IRAK1BP1: variants seen among roughly 807,000 people sequenced by gnomAD.
IRAK1BP1 encodes the protein interleukin 1 receptor associated kinase 1 binding protein 1.
IRAK1BP1 carries 24 observed loss-of-function variants against 28.0 expected under a neutral mutation model. The ratio of observed to expected loss-of-function variants is 0.86; its 90% CI spans 0.62 to 1.20. The LOEUF (loss-of-function observed/expected upper bound fraction) is 1.20, where lower values mean the gene tolerates loss of function less well. Among genes scored for constraint, IRAK1BP1 ranks in the 50% most tolerant of loss-of-function variants. The pLI is 0.00. For missense variants in IRAK1BP1, 336 were observed against 316.7 expected, an observed-to-expected ratio of 1.06 and a Z score of -0.46; for synonymous variants, 131 against 116.3, an observed-to-expected ratio of 1.13 and a Z score of -0.81.
the IRAK1BP1 span, among the ~76,000 whole-genome samples, chr6:78,978,328 A>T: frequency 8.4e-4 from 128 of 152,218 alleles, 1 homozygote; most frequent in African/African-American, 2.9e-3. Context: ...AAAGCTGGCA[A>T]TAAAAACCTC....
At chr6:78,971,038 G>A in the IRAK1BP1 span, 1 of 593,152 alleles carries the variant, frequency 1.7e-6, no homozygotes, top group South Asian at 2.2e-5. Flanking sequence ...CTCTCAAGTT[G>A]TCTTAACATC....
chr6:78,876,058 C>T (rs144655430), intron 1 of IRAK1BP1, among the ~76,000 whole-genome samples: 5 of 151,940 alleles, frequency 3.3e-5, no homozygotes, highest in Non-Finnish European at 7.4e-5. Flanking sequence ...GCTCTGTGTC[C>T]CCACCCAAAT....
chr6:78,898,154 A>G lies in IRAK1BP1; in HGVS notation c.603A>G (p.Leu201=), dbSNP rs1246017929. Residue 201 remains leucine (L), a synonymous_variant, in exon 4 of 4, where the codon TTA becomes TTG. Transcript: ENST00000369940. The part of the protein sequence containing the change: ...NLVGQTLGKP[L]LIKEEETKEW... The stretch of plus-strand genomic sequence containing the variant: ...TTGGCCAAACCTTAGGAAAACCTTT[A>G]CTAATCAAAGAAGAAGAAACAAAAG... The G allele has an allele frequency of 6.2e-7, 1 of 1,613,888 alleles. No homozygotes were observed. The highest frequency in any genetic ancestry group is 2.2e-5 in the East Asian group (1 of 44,850).
chr6:78,900,095 A>C lies in IRAK1BP1; in HGVS notation c.*1761A>C, dbSNP rs886081512. ...ATTAGTTAAAATTAAATAAAATTTA[A>C]AATTTAGTTCCTCAGTCACACTAGC... On this transcript the variant is annotated 3_prime_UTR_variant, in exon 4 of 4. Transcript: ENST00000369940. 2.0e-5 allele frequency: 3 copies of C among 152,214 alleles called. No individual in the cohort carries two copies. The highest frequency in any genetic ancestry group is 2.9e-5 in the Non-Finnish European group (2 of 68,032). 9.4% of individuals were successfully genotyped at this position (152,214 alleles called of 1,614,324 possible).
Position 78,898,153 on chromosome 6 carries a change from T to G in IRAK1BP1, c.602T>G (p.Leu201Ter), listed in dbSNP as rs1207911608. 1.2e-6 allele frequency: 2 copies of G among 1,613,836 alleles called. No individual in the cohort carries two copies. The highest frequency in any genetic ancestry group is 2.2e-5 in the South Asian group (2 of 91,064). Reference protein sequence around the residue: ...NLVGQTLGKPLLIKEEETKEW... With the variant: ...NLVGQTLGKP ...GTTGGCCAAACCTTAGGAAAACCTT[T>G]ACTAATCAAAGAAGAAGAAACAAAA... is the stretch of plus-strand genomic sequence containing the variant. The change falls in exon 4 of 4, where the codon TTA becomes TGA. Residue 201 changes from leucine to a stop codon, truncating the protein, a stop_gained. Transcript: ENST00000369940. LOFTEE classifies it high-confidence loss of function.
chr6:78,958,601 C>CT, the IRAK1BP1 span: 22 of 1,541,700 alleles, frequency 1.4e-5, no homozygotes, highest in Non-Finnish European at 2.0e-5. Flanking sequence ...AGAAACCCGC[C>CT]TTAAAAAAAC....
At chr6:78,905,852 C>T (rs145475059), downstream of IRAK1BP1, among the ~76,000 whole-genome samples, 1,004 of 152,148 alleles carry the variant, frequency 6.6e-3, 10 homozygotes, top group African/African-American at 0.022. Context: ...CCACCTGCCT[C>T]GGCCTCCCAA....
At chr6:78,917,505 A>C (rs975708805) in intron 4 of IRAK1BP1, among the ~76,000 whole-genome samples, 4 of 152,080 alleles carry the variant, frequency 2.6e-5, no homozygotes, top group African/African-American at 9.7e-5. Context: ...GGAATAATTC[A>C]AGAAAATTTT....
chr6:78,894,806 C>T (rs1028370549), intron 2 of IRAK1BP1, among the ~76,000 whole-genome samples: 1 of 152,042 alleles, frequency 6.6e-6, no homozygotes, highest in East Asian at 1.9e-4. Context: ...AGACCATATT[C>T]TGTGTCATAT....
chr6:78,967,429 T>C, the IRAK1BP1 span, among the ~76,000 whole-genome samples: 1 of 152,198 alleles, frequency 6.6e-6, no homozygotes, highest in Non-Finnish European at 1.5e-5. Flanking sequence ...GAGTAATGTG[T>C]GCCTAATCAT....
At chr6:78,925,367 A>G (rs551413087) in intron 4 of IRAK1BP1, among the ~76,000 whole-genome samples, 81 of 152,282 alleles carry the variant, frequency 5.3e-4, no homozygotes, top group African/African-American at 1.9e-3. Context: ...CATTCAAGAA[A>G]TGACAAAAGA....
intron 4 of IRAK1BP1, among the ~76,000 whole-genome samples, chr6:78,917,525 G>C (rs1772591984): frequency 6.7e-6 from 1 of 149,066 alleles, no homozygotes; most frequent in Non-Finnish European, 1.5e-5. Flanking sequence ...TTCTAATCTT[G>C]ATAGAGGTAG....
At chr6:78,903,144 A>C, downstream of IRAK1BP1, 1 of 1,140,800 alleles carries the variant, frequency 8.8e-7, no homozygotes, top group Non-Finnish European at 1.2e-6. Context: ...GAGAAAAAGA[A>C]GACTAAGAAA....
At chr6:78,978,480 A>T in the IRAK1BP1 span, 1 of 711,346 alleles carries the variant, frequency 1.4e-6, no homozygotes, top group Non-Finnish European at 2.2e-6. Context: ...AATATCTAGA[A>T]TGAGATACTT....
chr6:78,943,979 CTGTCT>C, intron 4 of IRAK1BP1, among the ~76,000 whole-genome samples: 1 of 85,008 alleles, frequency 1.2e-5, no homozygotes, highest in Non-Finnish European at 2.1e-5. Flanking sequence ...GAGCAAGATC[CTGTCT>C]TTTTTTAAAA....
chr6:78,911,118 C>G (rs1227768946), intron 4 of IRAK1BP1, among the ~76,000 whole-genome samples: 1 of 152,122 alleles, frequency 6.6e-6, no homozygotes, highest in Admixed American at 6.5e-5. Context: ...TAGATTTTAC[C>G]TCTTTCCCCT....
chr6:78,911,707 A>G (rs1220778322), intron 4 of IRAK1BP1, among the ~76,000 whole-genome samples: 1 of 152,202 alleles, frequency 6.6e-6, no homozygotes, highest in Non-Finnish European at 1.5e-5. Flanking sequence ...CTTCATTCCC[A>G]GCAATTTATT....
At chr6:78,970,992 C>T in the IRAK1BP1 span, 3 of 713,368 alleles carry the variant, frequency 4.2e-6, no homozygotes, top group Admixed American at 3.3e-5. Flanking sequence ...GCCTTTTCAG[C>T]TAATAGAAAT....
chr6:78,963,282 A>G, the IRAK1BP1 span: 3 of 1,563,848 alleles, frequency 1.9e-6, no homozygotes, highest in Non-Finnish European at 2.6e-6. Flanking sequence ...CATTGCAAAT[A>G]CATGGTAACT....
Sources: gnomAD v4.1 joint callset for allele counts (sites outside exome capture counted in the v4.1 genomes callset) on GRCh38, gnomAD v4.1.1 for gene constraint, MANE v1.5 for transcripts, NCBI Gene and HGNC (gene_info 2026-07-23, HGNC 2026-07-21) for gene names.